The following H1-7 variants were observed in gnomAD, a reference collection of about 807,000 sequenced individuals.
H1-7 encodes the protein testis-specific H1 histone.
A neutral mutation model predicts 0.3 loss-of-function variants in H1-7; 1 was observed. The ratio of observed to expected loss-of-function variants is 3.06; its 90% CI spans 1.09 to 14.53. H1-7 has a LOEUF of 14.53. H1-7 is among the 30% of genes most tolerant of loss of function. The pLI is 0.12. For missense variants in H1-7, 393 were observed against 353.1 expected, an observed-to-expected ratio of 1.11 and a Z score of -0.91; for synonymous variants, 177 against 153.2, an observed-to-expected ratio of 1.16 and a Z score of -1.15.
chr12:48,329,585 AGCGCCCAGGGG>A, the H1-7 span: 1 of 1,613,028 alleles, frequency 6.2e-7, no homozygotes, highest in Non-Finnish European at 8.5e-7. Context: ...GCCGCCACGA[AGCGCCCAGGGG>A]GCAGGCCAAG....
Position 48,330,098 on chromosome 12 carries a change from G to A in H1-7, c.*39G>A. 2 of 1,554,362 alleles carry A rather than the reference G, an allele frequency of 1.3e-6. No homozygotes were observed. The highest frequency in any genetic ancestry group is 1.7e-6 in the Non-Finnish European group (2 of 1,154,270). On this transcript the variant is annotated 3_prime_UTR_variant, in exon 1 of 1. Transcript: ENST00000335017. ...AAACCGACCGGACATCTAGCGGGCA[G>A]GGGAAGACTCCACTAAAGACTTCCA...
In H1-7 at chr12:48,329,295, G is replaced by C; in HGVS notation, c.4G>C (p.Glu2Gln). The C allele has an allele frequency of 5.7e-6, 9 of 1,568,192 alleles. No individual in the cohort carries two copies. The highest frequency in any genetic ancestry group is 7.8e-6 in the Non-Finnish European group (9 of 1,159,038). ...CGTGGCCCAGTCTACCTCAGCTATG[G>C]AACAGGCCTTGACTGGTGAGGCCCA... is the stretch of plus-strand genomic sequence containing the variant. M[E>Q]QALTGEAQSR... Residue 2 changes from glutamate (E) to glutamine (Q), a missense_variant, in exon 1 of 1, where the codon GAA becomes CAA. Physicochemically the swap from Glu to Gln is conservative, Grantham distance 29. Coordinates refer to ENST00000335017, the MANE Select transcript of H1-7 (RefSeq NM_181788.1).
Position 48,329,593 on chromosome 12 carries a change from G to A in H1-7, c.302G>A (p.Arg101Lys), listed in dbSNP as rs1242768629. 1.1e-5 allele frequency: 17 copies of A among 1,612,932 alleles called. No homozygotes were observed. Among genetic ancestry groups the A allele is most frequent in the Admixed American group, 1.7e-5 (1 of 59,956 alleles). ...RRKSGRHEAPRGQAKATLLRV... is the reference protein window; with the variant it reads ...RRKSGRHEAPKGQAKATLLRV... ...AAGAGCGGCCGCCACGAAGCGCCCA[G>A]GGGGCAGGCCAAGGCCACGCTCCTC... The change falls in exon 1 of 1, where the codon AGG (arginine) becomes AAG (lysine). Residue 101 changes from arginine (R) to lysine (K), a missense_variant. Coordinates refer to ENST00000335017, the MANE Select transcript of H1-7 (RefSeq NM_181788.1).
the H1-7 span, chr12:48,329,393 ACACTCAGC>A: frequency 1.9e-6 from 3 of 1,613,800 alleles, no homozygotes; most frequent in Admixed American, 3.3e-5. Context: ...AATCCCGAGG[ACACTCAGC>A]CACTCAGCTG....
rs1952543529 is a variant in H1-7, at chr12:48,329,626, G to C, written c.335G>C (p.Ser112Thr). 6.2e-7 allele frequency: 1 copy of C among 1,611,996 alleles called. No individual in the cohort carries two copies. Among genetic ancestry groups the C allele is most frequent in the Non-Finnish European group, 8.5e-7 (1 of 1,179,374 alleles). Residue 112 changes from serine to threonine, a missense_variant, in exon 1 of 1, where the codon AGC becomes ACC. By Grantham distance (58) the Ser-to-Thr change is moderately conservative. Transcript: ENST00000335017. ...GCCAAGGCCACGCTCCTCCGGGTCA[G>C]CGGCAGCGACGCCGCCGGCTACTTC... ...GQAKATLLRV[S>T]GSDAAGYFRV...
At position 48,330,076 on chromosome 12, in the gene H1-7, C is replaced by T. The variant is rs1222804168; in HGVS notation, c.*17C>T. 3 of 1,592,802 alleles carry T rather than the reference C, an allele frequency of 1.9e-6. No individual in the cohort carries two copies. Among genetic ancestry groups the T allele is most frequent in the Middle Eastern group, 2.0e-4 (1 of 5,042 alleles). ...ATCCAGTAGCCAACGCGGGCTAAAA[C>T]CGACCGGACATCTAGCGGGCAGGGG... On this transcript the variant is annotated 3_prime_UTR_variant, in exon 1 of 1. Transcript: ENST00000335017.
Position 48,330,172 on chromosome 12 carries a change from C to T in H1-7, c.*113C>T. On this transcript the variant is annotated 3_prime_UTR_variant, in exon 1 of 1. Transcript: ENST00000335017. Reference sequence around the variant, plus strand: ...GGTCTTCCTGATCCAGTTGGGAATGCATCTTGTGGGAGCAGCTTCACTCCC... The same window carrying T: ...GGTCTTCCTGATCCAGTTGGGAATGTATCTTGTGGGAGCAGCTTCACTCCC... 8.1e-7 allele frequency: 1 copy of T among 1,233,774 alleles called. No individual in the cohort carries two copies. The highest frequency in any genetic ancestry group is 2.5e-5 in the East Asian group (1 of 39,238). 76.4% of individuals were successfully genotyped at this position (1,233,774 alleles called of 1,614,324 possible).
chr12:48,329,588 G>C lies in H1-7; in HGVS notation c.297G>C (p.Ala99=). The part of the protein sequence containing the change: ...EVRRKSGRHE[A]PRGQAKATLL... ...GCAGGAAGAGCGGCCGCCACGAAGCGCCCAGGGGGCAGGCCAAGGCCACGC... is the reference window on the plus strand; with the variant it reads ...GCAGGAAGAGCGGCCGCCACGAAGCCCCCAGGGGGCAGGCCAAGGCCACGC... The change falls in exon 1 of 1, where the codon GCG becomes GCC. Residue 99 remains alanine (A), a synonymous_variant. Coordinates refer to ENST00000335017, the MANE Select transcript of H1-7 (RefSeq NM_181788.1). 2 of 1,612,944 alleles carry C rather than the reference G, an allele frequency of 1.2e-6. No homozygotes were observed. Among genetic ancestry groups the C allele is most frequent in the Non-Finnish European group, 1.7e-6 (2 of 1,179,752 alleles).
Position 48,330,097 on chromosome 12 carries a change from A to G in H1-7, c.*38A>G. 6.4e-7 allele frequency: 1 copy of G among 1,556,680 alleles called. No homozygotes were observed. Among genetic ancestry groups the G allele is most frequent in the Non-Finnish European group, 8.7e-7 (1 of 1,155,374 alleles). ...AAAACCGACCGGACATCTAGCGGGC[A>G]GGGGAAGACTCCACTAAAGACTTCC... On this transcript the variant is annotated 3_prime_UTR_variant, in exon 1 of 1. Transcript: ENST00000335017.
chr12:48,329,439 T>C lies in H1-7; in HGVS notation c.148T>C (p.Ser50Pro). 6.2e-7 allele frequency: 1 copy of C among 1,614,182 alleles called. No homozygotes were observed. The highest frequency in any genetic ancestry group is 8.5e-7 in the Non-Finnish European group (1 of 1,180,022). Residue 50 changes from serine (S) to proline (P), a missense_variant, in exon 1 of 1, where the codon TCG becomes CCG. Transcript: ENST00000335017. ...LPAEKTVGGP[S>P]RGCSSSVLRV... ...AGCGGAAAAAACTGTCGGGGGACCA[T>C]CGAGGGGCTGCTCAAGCTCCGTGCT...
Position 48,330,031 on chromosome 12 carries a change from A to G in H1-7, c.740A>G (p.Lys247Arg), listed in dbSNP as rs1402097043. 5.6e-6 allele frequency: 9 copies of G among 1,613,424 alleles called. No individual in the cohort carries two copies. The highest frequency in any genetic ancestry group is 1.7e-5 in the Admixed American group (1 of 59,986). The change falls in exon 1 of 1, where the codon AAG becomes AGG. Residue 247 changes from lysine to arginine, a missense_variant. By Grantham distance (26) the Lys-to-Arg change is conservative. Coordinates refer to ENST00000335017, the MANE Select transcript of H1-7 (RefSeq NM_181788.1). Reference sequence around the variant, plus strand: ...CCCAGGGAAGAGAAGCAGGAGCCCAAGAAGCCCGCACAGCGGACCATCCAG... The same window carrying G: ...CCCAGGGAAGAGAAGCAGGAGCCCAGGAAGCCCGCACAGCGGACCATCCAG... ...SKPREEKQEP[K>R]KPAQRTIQ
At position 48,330,020 on chromosome 12, in the gene H1-7, G is replaced by A. The variant is rs563625660; in HGVS notation, c.729G>A (p.Lys243=). 1.5e-5 allele frequency: 25 copies of A among 1,613,730 alleles called. No homozygotes were observed. In the South Asian group the frequency reaches 1.6e-4, roughly 11 times the overall value. Residue 243 remains lysine, a synonymous_variant, in exon 1 of 1, where the codon AAG becomes AAA. Transcript: ENST00000335017. ...GAAGCTCCAAGCCCAGGGAAGAGAAGCAGGAGCCCAAGAAGCCCGCACAGC... is the reference window on the plus strand; with the variant it reads ...GAAGCTCCAAGCCCAGGGAAGAGAAACAGGAGCCCAAGAAGCCCGCACAGC... ...KRRSSKPREE[K]QEPKKPAQRT... is the part of the protein sequence containing the mutation.
Position 48,329,076 on chromosome 12 carries a change from G to A in H1-7, c.-216G>A. ...AGATCGAGATCAGTAAGTTTGATTT[G>A]GGAACAAAACCCTGGAGACTCTATA... On this transcript the variant is annotated 5_prime_UTR_variant, in exon 1 of 1. Coordinates refer to ENST00000335017, the MANE Select transcript of H1-7 (RefSeq NM_181788.1). The A allele has an allele frequency of 4.1e-6, 2 of 487,824 alleles. No individual in the cohort carries two copies. The highest frequency in any genetic ancestry group is 7.0e-6 in the Non-Finnish European group (2 of 283,714). The allele number at this position is 487,824 out of a possible 1,614,324, so 30.2% of individuals were successfully genotyped here.
In H1-7 at chr12:48,329,594, G is replaced by T. The variant is rs1254216518; in HGVS notation, c.303G>T (p.Arg101Ser). 2 of 1,612,986 alleles carry T rather than the reference G, an allele frequency of 1.2e-6. No individual in the cohort carries two copies. The highest frequency in any genetic ancestry group is 1.7e-6 in the Non-Finnish European group (2 of 1,179,776). ...RRKSGRHEAP[R>S]GQAKATLLRV... ...AGAGCGGCCGCCACGAAGCGCCCAG[G>T]GGGCAGGCCAAGGCCACGCTCCTCC... Residue 101 changes from arginine (R) to serine (S), a missense_variant, in exon 1 of 1, where the codon AGG (arginine) becomes AGT (serine). By Grantham distance (110) the Arg-to-Ser change is moderately radical (BLOSUM62 -1). Coordinates refer to ENST00000335017, the MANE Select transcript of H1-7 (RefSeq NM_181788.1).
At position 48,330,100 on chromosome 12, in the gene H1-7, G is replaced by T; in HGVS notation, c.*41G>T. ...ACCGACCGGACATCTAGCGGGCAGG[G>T]GAAGACTCCACTAAAGACTTCCACA... On this transcript the variant is annotated 3_prime_UTR_variant, in exon 1 of 1. Coordinates refer to ENST00000335017, the MANE Select transcript of H1-7 (RefSeq NM_181788.1). The T allele has an allele frequency of 6.4e-7, 1 of 1,551,534 alleles. No individual in the cohort carries two copies. Among genetic ancestry groups the T allele is most frequent in the East Asian group, 2.3e-5 (1 of 43,712 alleles).
At position 48,330,201 on chromosome 12, in the gene H1-7, A is replaced by C; in HGVS notation, c.*142A>C. On this transcript the variant is annotated 3_prime_UTR_variant, in exon 1 of 1. Transcript: ENST00000335017. ...TTGTGGGAGCAGCTTCACTCCCACCACGGACCAATGCCTTTCCCCCATAGG... is the reference window on the plus strand; with the variant it reads ...TTGTGGGAGCAGCTTCACTCCCACCCCGGACCAATGCCTTTCCCCCATAGG... The C allele has an allele frequency of 1.1e-6, 1 of 913,508 alleles. No individual in the cohort carries two copies. The highest frequency in any genetic ancestry group is 1.6e-6 in the Non-Finnish European group (1 of 611,250). The allele number at this position is 913,508 out of a possible 1,614,324, so 56.6% of individuals were successfully genotyped here. A position where few individuals can be genotyped will look rare whatever the true frequency, so the allele number is the denominator to read the frequency against.
Position 48,330,212 on chromosome 12 carries a change from C to T in H1-7, c.*153C>T. ...GCTTCACTCCCACCACGGACCAATGCCTTTCCCCCATAGGCCCCAAGAAGA... is the reference window on the plus strand; with the variant it reads ...GCTTCACTCCCACCACGGACCAATGTCTTTCCCCCATAGGCCCCAAGAAGA... On this transcript the variant is annotated 3_prime_UTR_variant, in exon 1 of 1. Transcript: ENST00000335017. 2.4e-6 allele frequency: 2 copies of T among 834,954 alleles called. No individual in the cohort carries two copies. Among genetic ancestry groups the T allele is most frequent in the Non-Finnish European group, 3.7e-6 (2 of 540,642 alleles). 51.7% of individuals were successfully genotyped at this position (834,954 alleles called of 1,614,324 possible).
chr12:48,329,302 C>T lies in H1-7; in HGVS notation c.11C>T (p.Ala4Val), dbSNP rs990809975. 1 of 1,584,114 alleles carries T rather than the reference C, an allele frequency of 6.3e-7. No individual in the cohort carries two copies. Among genetic ancestry groups the T allele is most frequent in the African/African-American group, 1.3e-5 (1 of 74,472 alleles). ...CAGTCTACCTCAGCTATGGAACAGG[C>T]CTTGACTGGTGAGGCCCAAAGCCGG... MEQ[A>V]LTGEAQSRWP... is the part of the protein sequence containing the mutation. Residue 4 changes from alanine (A) to valine (V), a missense_variant, in exon 1 of 1, where the codon GCC (alanine) becomes GTC (valine). By Grantham distance (64) the Ala-to-Val change is moderately conservative. Transcript: ENST00000335017.
rs1320383146 is a variant in H1-7, at chr12:48,330,228, C to G, written c.*169C>G. 1 of 723,118 alleles carries G rather than the reference C, an allele frequency of 1.4e-6. No homozygotes were observed. The highest frequency in any genetic ancestry group is 3.0e-5 in the Admixed American group (1 of 33,514). The allele number at this position is 723,118 out of a possible 1,614,324, so 44.8% of individuals were successfully genotyped here. A position where few individuals can be genotyped will look rare whatever the true frequency, so the allele number is the denominator to read the frequency against. On this transcript the variant is annotated 3_prime_UTR_variant, in exon 1 of 1. Coordinates refer to ENST00000335017, the MANE Select transcript of H1-7 (RefSeq NM_181788.1). ...GGACCAATGCCTTTCCCCCATAGGC[C>G]CCAAGAAGAGCGGCTGTCACACTCA...
Sources: allele counts gnomAD v4.1 joint callset, GRCh38; gene constraint gnomAD v4.1.1; transcripts MANE v1.5; gene names NCBI Gene and HGNC (gene_info 2026-07-23, HGNC 2026-07-21).